ST6GALNAC3: variants seen among roughly 807,000 people sequenced by gnomAD.
ST6GALNAC3 encodes the protein ST6 N-acetylgalactosaminide alpha-2,6-sialyltransferase 3.
ST6GALNAC3 carries 25 observed loss-of-function variants against 32.7 expected under a neutral mutation model. The observed-to-expected ratio is 0.76, with a 90% CI of 0.56 to 1.07. The LOEUF is 1.07. ST6GALNAC3 is among the 50% of genes least tolerant of loss of function. The pLI, the probability that ST6GALNAC3 is intolerant of heterozygous loss-of-function variation, is 0.00. For synonymous variants in ST6GALNAC3, 129 were observed against 133.1 expected (o/e 0.97, Z 0.21); for missense variants, 355 against 382.4 (o/e 0.93, Z 0.60).
intron 1 of ST6GALNAC3, among the ~76,000 whole-genome samples, chr1:76,299,878 T>C (rs918945555): frequency 6.6e-5 from 10 of 152,078 alleles, no homozygotes; most frequent in Non-Finnish European, 1.2e-4. Flanking sequence ...GAAATATGCA[T>C]AGCATAAAAA....
At chr1:76,531,758 G>A (rs1663270810) in intron 3 of ST6GALNAC3, among the ~76,000 whole-genome samples, 1 of 152,152 alleles carries the variant, frequency 6.6e-6, no homozygotes, top group African/African-American at 2.4e-5. Context: ...CTGGAGGCAG[G>A]AACCGTGTTA....
intron 3 of ST6GALNAC3, among the ~76,000 whole-genome samples, chr1:76,541,045 G>T (rs1157493816): frequency 6.6e-6 from 1 of 152,116 alleles, no homozygotes; most frequent in East Asian, 1.9e-4. Flanking sequence ...AGAAAATACA[G>T]GAAGGGAGTT....
chr1:76,162,033 A>G (rs1651844061), intron 1 of ST6GALNAC3, among the ~76,000 whole-genome samples: 1 of 152,186 alleles, frequency 6.6e-6, no homozygotes, highest in Non-Finnish European at 1.5e-5. Flanking sequence ...GGCCAGGCAA[A>G]AAAAGGTCTT....
chr1:76,308,943 T>C (rs1263775141), intron 1 of ST6GALNAC3, among the ~76,000 whole-genome samples: 2 of 152,246 alleles, frequency 1.3e-5, no homozygotes, highest in Non-Finnish European at 2.9e-5. Context: ...TTAGAGTCTA[T>C]GTATTCTTCT....
chr1:76,196,008 CT>C (rs1654185658), intron 1 of ST6GALNAC3, among the ~76,000 whole-genome samples: 1 of 152,186 alleles, frequency 6.6e-6, no homozygotes, highest in South Asian at 2.1e-4. Flanking sequence ...TCAGGAGTTT[CT>C]GTAATTTGTT....
chr1:76,279,319 T>A (rs1199899148), intron 1 of ST6GALNAC3, among the ~76,000 whole-genome samples: 1 of 152,234 alleles, frequency 6.6e-6, no homozygotes, highest in Non-Finnish European at 1.5e-5. Context: ...TGGATCTGAC[T>A]GGAAAGGATT....
chr1:76,243,859 T>C (rs1426228975), intron 1 of ST6GALNAC3, among the ~76,000 whole-genome samples: 1 of 152,230 alleles, frequency 6.6e-6, no homozygotes, highest in Non-Finnish European at 1.5e-5. Context: ...AGCCTTATAG[T>C]ATAGTTTGAA....
chr1:76,379,247 T>C (rs767518346), intron 2 of ST6GALNAC3, among the ~76,000 whole-genome samples: 3 of 152,208 alleles, frequency 2.0e-5, no homozygotes, highest in Non-Finnish European at 4.4e-5. Context: ...TCCTAATCTT[T>C]TGTTTAACAA....
intron 2 of ST6GALNAC3, among the ~76,000 whole-genome samples, chr1:76,401,900 G>A (rs1416093012): frequency 1.3e-5 from 2 of 151,322 alleles, no homozygotes; most frequent in African/African-American, 4.8e-5. Flanking sequence ...TCCAGAAACA[G>A]AGCTCACCTA....
At chr1:76,310,928 C>T (rs961592945) in intron 1 of ST6GALNAC3, among the ~76,000 whole-genome samples, 1 of 152,124 alleles carries the variant, frequency 6.6e-6, no homozygotes, top group Non-Finnish European at 1.5e-5. Flanking sequence ...TTTTTACTAT[C>T]TTATGTCAGT....
chr1:76,609,433 T>G (rs915655699), intron 3 of ST6GALNAC3, among the ~76,000 whole-genome samples: 7 of 152,226 alleles, frequency 4.6e-5, no homozygotes, highest in African/African-American at 1.7e-4. Flanking sequence ...TAGTCATAGA[T>G]TTAAACATTC....
chr1:76,344,742 A>G (rs796672041), intron 2 of ST6GALNAC3, among the ~76,000 whole-genome samples: 7 of 152,336 alleles, frequency 4.6e-5, no homozygotes, highest in African/African-American at 1.7e-4. Flanking sequence ...ATATACACTA[A>G]AGTGAGTTCC....
chr1:76,390,953 T>C (rs1381790878), intron 2 of ST6GALNAC3, among the ~76,000 whole-genome samples: 2 of 147,786 alleles, frequency 1.4e-5, no homozygotes, highest in African/African-American at 4.9e-5. Context: ...TGTATTTTTT[T>C]TTTTGAGATG....
At chr1:76,622,235 C>T (rs1022067072) in intron 3 of ST6GALNAC3, among the ~76,000 whole-genome samples, 5 of 151,942 alleles carry the variant, frequency 3.3e-5, no homozygotes, top group Admixed American at 1.3e-4. Flanking sequence ...AACTCGTTGT[C>T]CTTGTCCCAC....
chr1:76,173,213 C>T (rs1200194889), intron 1 of ST6GALNAC3, among the ~76,000 whole-genome samples: 1 of 152,086 alleles, frequency 6.6e-6, no homozygotes, highest in Non-Finnish European at 1.5e-5. Context: ...TTTGACAAAC[C>T]TGATAAAAAT....
At chr1:76,555,712 T>C (rs1390595215) in intron 3 of ST6GALNAC3, among the ~76,000 whole-genome samples, 3 of 152,016 alleles carry the variant, frequency 2.0e-5, no homozygotes, top group African/African-American at 7.2e-5. Context: ...GAGTGAGAGA[T>C]GCAATAAATT....
At chr1:76,466,774 G>C (rs1658660143) in intron 3 of ST6GALNAC3, among the ~76,000 whole-genome samples, 1 of 152,074 alleles carries the variant, frequency 6.6e-6, no homozygotes, top group Non-Finnish European at 1.5e-5. Flanking sequence ...TTATTTGCAT[G>C]AAGTCTAATT....
chr1:76,094,876 AC>A (rs1368332001), intron 1 of ST6GALNAC3, among the ~76,000 whole-genome samples: 1 of 118,026 alleles, frequency 8.5e-6, no homozygotes, highest in Non-Finnish European at 1.8e-5. Context: ...CCTCACCCCC[AC>A]CCCCCACCGT....
Position 76,445,038 on chromosome 1 carries a change from T to C in ST6GALNAC3, c.623+32621T>C, listed in dbSNP as rs1018733747. Among the ~76,000 whole-genome samples, 4 of 152,236 alleles carry C rather than the reference T, an allele frequency of 2.6e-5. No homozygotes were observed. In the East Asian group the frequency reaches 7.7e-4, roughly 29 times the overall value. ...TCTAGTCTAAAGCAAGGGAACATTA[T>C]GTTTGTGGTTAGTATGTGCAACCTC... On this transcript the variant is annotated intron_variant, in intron 3 of 4. Coordinates refer to ENST00000328299, the MANE Select transcript of ST6GALNAC3 (RefSeq NM_152996.4).
Sources: allele counts gnomAD v4.1 joint callset (sites outside exome capture counted in the v4.1 genomes callset), GRCh38; gene constraint gnomAD v4.1.1; transcripts MANE v1.5; gene names NCBI Gene and HGNC (gene_info 2026-07-23, HGNC 2026-07-21).